Variants in AXIN1 observed in about 807,000 individuals in gnomAD.
AXIN1 encodes the protein axin 1.
In AXIN1, 30 loss-of-function variants were observed where a neutral mutation model predicts 76.4. The observed-to-expected ratio is 0.39, with a 90% CI of 0.29 to 0.53. The LOEUF is 0.53. AXIN1 is among the 20% of genes least tolerant of loss of function. The pLI is 0.66. For synonymous variants in AXIN1, 545 were observed against 501.4 expected, an observed-to-expected ratio of 1.09 and a Z score of -1.16; for missense variants, 1,140 against 1,198.8, an observed-to-expected ratio of 0.95 and a Z score of 0.72.
chr16:330,062 G>A (rs1007245735), intron 2 of AXIN1, among the ~76,000 whole-genome samples: 4 of 132,360 alleles, frequency 3.0e-5, no homozygotes, highest in Non-Finnish European at 4.8e-5. Context: ...CACTGTGCCC[G>A]GCCCTTTTTT....
chr16:329,114 C>T (rs1345030619), intron 2 of AXIN1, among the ~76,000 whole-genome samples: 1 of 151,850 alleles, frequency 6.6e-6, no homozygotes, highest in Admixed American at 6.6e-5. Context: ...CCTGTCTCTA[C>T]TAAAAATATA....
intron 9 of AXIN1, chr16:290,560 G>T (rs1464564183): frequency 6.0e-6 from 1 of 165,600 alleles, no homozygotes; most frequent in African/African-American, 2.4e-5. Flanking sequence ...AGCCTGGCAA[G>T]GCCTGGGGGA....
At chr16:341,623 G>A (rs1330001594) in intron 2 of AXIN1, among the ~76,000 whole-genome samples, 1 of 152,282 alleles carries the variant, frequency 6.6e-6, no homozygotes, top group Non-Finnish European at 1.5e-5. Flanking sequence ...GGGCTGAGGA[G>A]TGCGGGCGCA....
chr16:345,852 T>A (rs1435555163), intron 2 of AXIN1, among the ~76,000 whole-genome samples: 1 of 152,268 alleles, frequency 6.6e-6, no homozygotes, highest in Non-Finnish European at 1.5e-5. Context: ...CAGACTTTAC[T>A]GCTGAAGGGT....
intron 3 of AXIN1, 128 bp from the exon 4 acceptor site, chr16:310,197 C>T (rs949937185): frequency 1.8e-4 from 140 of 776,232 alleles, no homozygotes; most frequent in Admixed American, 1.8e-4. Flanking sequence ...GCCACCACCA[C>T]TGAGACACGT....
At chr16:337,027 G>A (rs958104511) in intron 2 of AXIN1, among the ~76,000 whole-genome samples, 5 of 150,890 alleles carry the variant, frequency 3.3e-5, no homozygotes, top group African/African-American at 1.2e-4. Flanking sequence ...GCAGGCGCCT[G>A]TAATCCCAGA....
At chr16:350,570 G>T (rs1427629982) in intron 1 of AXIN1, among the ~76,000 whole-genome samples, 1 of 151,562 alleles carries the variant, frequency 6.6e-6, no homozygotes, top group African/African-American at 2.4e-5. Flanking sequence ...TTGACATTTT[G>T]ATTTACATGG....
Position 320,735 on chromosome 16 carries a change from A to ATTTTT in AXIN1, c.879-6053_879-6052insAAAAA, listed in dbSNP as rs1418979467. Among the ~76,000 whole-genome samples, 84 of 76,156 alleles carry ATTTTT rather than the reference A, an allele frequency of 1.1e-3. 1 individual carries two copies. The highest frequency in any genetic ancestry group is 5.5e-3 in the African/African-American group (68 of 12,332). 50.0% of individuals were successfully genotyped at this position (76,156 alleles called of 152,430 possible). A position where few individuals can be genotyped will look rare whatever the true frequency, so the allele number is the denominator to read the frequency against. On this transcript the variant is annotated intron_variant, in intron 2 of 10. Transcript: ENST00000262320. ...TATGCGTGTGTGTGTATATATATAT[A>ATTTTT]TATATATATTTTTTTTTTTTTTGAG...
intron 2 of AXIN1, among the ~76,000 whole-genome samples, chr16:318,676 C>G (rs577490657): frequency 6.6e-6 from 1 of 152,302 alleles, no homozygotes; most frequent in South Asian, 2.1e-4. Context: ...CCTGTGCGTG[C>G]GCCTATGGAT....
chr16:306,213 G>A (rs1231723352), intron 4 of AXIN1, among the ~76,000 whole-genome samples: 7 of 151,972 alleles, frequency 4.6e-5, no homozygotes, highest in Non-Finnish European at 1.0e-4. Flanking sequence ...TTCTGAACCA[G>A]TTAGAGTGTA....
In AXIN1 at chr16:349,104, A is replaced by AAAAATAAAATAAAAT. The variant is rs56249181; in HGVS notation, c.-81-2013_-81-1999dup. On this transcript the variant is annotated intron_variant, in intron 1 of 10. Transcript: ENST00000262320. Reference sequence around the variant, plus strand: ...GCGACAGAGTGAGACTCTGTCTCAAAAAAATAAAATAAAATAAAATAAAAT... The same window carrying AAAAATAAAATAAAAT: ...GCGACAGAGTGAGACTCTGTCTCAAAAAAATAAAATAAAATAAAATAAAATAAAATAAAATAAAAT... Among the ~76,000 whole-genome samples, 3 of 149,732 alleles carry AAAAATAAAATAAAAT rather than the reference A, an allele frequency of 2.0e-5. No homozygotes were observed. The South Asian group carries it at 6.4e-4, about 32-fold the overall frequency.
At chr16:342,287 A>G (rs1197048642) in intron 2 of AXIN1, among the ~76,000 whole-genome samples, 1 of 152,172 alleles carries the variant, frequency 6.6e-6, no homozygotes, top group Non-Finnish European at 1.5e-5. Context: ...CAGAAGGAAC[A>G]AACTCCGGAC....
At position 288,047 on chromosome 16, in the gene AXIN1, G is replaced by A. The variant is rs2052433942; in HGVS notation, c.*75C>T. ...TGTTCCCCATCGGGCTCCTGAGTAC[G>A]AGGTCATCTGCCTGGCCGTGACACC... On this transcript the variant is annotated 3_prime_UTR_variant, in exon 11 of 11. Transcript: ENST00000262320. 1.6e-5 allele frequency: 26 copies of A among 1,607,954 alleles called. No homozygotes were observed. Among genetic ancestry groups the A allele is most frequent in the East Asian group, 4.5e-5 (2 of 44,852 alleles).
intron 9 of AXIN1, 119 bp from the exon 10 acceptor site, chr16:289,726 CCATT>C (rs2052500015): frequency 2.3e-6 from 3 of 1,308,930 alleles, no homozygotes; most frequent in African/African-American, 2.9e-5. Context: ...GAGCAGCACC[CCATT>C]CAAACACCTG....
chr16:329,148 T>G (rs1041519900), intron 2 of AXIN1, among the ~76,000 whole-genome samples: 1 of 151,454 alleles, frequency 6.6e-6, no homozygotes, highest in Non-Finnish European at 1.5e-5. Flanking sequence ...CGTGGTGGTG[T>G]GCACCTGTAA....
In AXIN1 at chr16:346,835, G is replaced by T. The variant is rs1263260045; in HGVS notation, c.191C>A (p.Ser64Ter). 1 of 1,613,460 alleles carries T rather than the reference G, an allele frequency of 6.2e-7. No individual in the cohort carries two copies. The highest frequency in any genetic ancestry group is 2.2e-5 in the East Asian group (1 of 44,870). The part of the protein sequence containing the change: ...GETSTATPRR[S>*]DLDLGYEPEG... Reference sequence around the variant, plus strand: ...AGGCTCATACCCCAGGTCCAGATCCGAGCGCCTCGGAGTGGCCGTCGAAGT... The same window carrying T: ...AGGCTCATACCCCAGGTCCAGATCCTAGCGCCTCGGAGTGGCCGTCGAAGT... Residue 64 changes from serine to a stop codon, truncating the protein, a stop_gained, in exon 2 of 11, where the codon TCG becomes TAG. Coordinates refer to ENST00000262320, the MANE Select transcript of AXIN1 (RefSeq NM_003502.4). LOFTEE classifies it high-confidence loss of function.
chr16:300,721 G>A (rs772149970), intron 5 of AXIN1, among the ~76,000 whole-genome samples: 5 of 152,252 alleles, frequency 3.3e-5, no homozygotes, highest in African/African-American at 9.6e-5. Flanking sequence ...ATCCCCTGGC[G>A]GATGCAGCTA....
intron 4 of AXIN1, among the ~76,000 whole-genome samples, chr16:306,338 C>T (rs1408861717): frequency 6.6e-6 from 1 of 152,242 alleles, no homozygotes; most frequent in African/African-American, 2.4e-5. Flanking sequence ...ATTTTGCCAG[C>T]TGCTCCAATA....
chr16:300,937 G>C (rs1198568309), intron 5 of AXIN1, among the ~76,000 whole-genome samples: 1 of 152,150 alleles, frequency 6.6e-6, no homozygotes, highest in Non-Finnish European at 1.5e-5. Context: ...AATGGTTTTT[G>C]TTTTCTTCTT....
Sources: gnomAD v4.1 joint callset for allele counts (sites outside exome capture counted in the v4.1 genomes callset) on GRCh38, gnomAD v4.1.1 for gene constraint, MANE v1.5 for transcripts, NCBI Gene and HGNC (gene_info 2026-07-23, HGNC 2026-07-21) for gene names.